COBL: variants seen among roughly 807,000 people sequenced by gnomAD.
The protein encoded by COBL is cordon-bleu WH2 repeat protein.
Under a neutral mutation model 98.8 loss-of-function variants are expected in COBL, and 51 were observed. The ratio of observed to expected loss-of-function variants is 0.52; its 90% CI spans 0.41 to 0.65. COBL has a LOEUF of 0.65. Ranked by LOEUF, COBL falls within the 30% of genes least tolerant of loss-of-function variation. The pLI, the probability that COBL is intolerant of heterozygous loss-of-function variation, is 0.00. For missense variants in COBL, 1,617 were observed against 1,617.5 expected, an observed-to-expected ratio of 1.00 and a Z score of 0.01; for synonymous variants, 634 against 651.7, an observed-to-expected ratio of 0.97 and a Z score of 0.41.
chr7:51,218,988 G>A (rs866148699), intron 2 of COBL, among the ~76,000 whole-genome samples: 1 of 152,112 alleles, frequency 6.6e-6, no homozygotes, highest in Non-Finnish European at 1.5e-5. Flanking sequence ...AAAAGTATCA[G>A]TAAGAATAGC....
At chr7:51,030,103 CTA>C in intron 9 of COBL, among the ~76,000 whole-genome samples, 3 of 152,316 alleles carry the variant, frequency 2.0e-5, no homozygotes, top group Admixed American at 2.0e-4. Flanking sequence ...GCGGGACACA[CTA>C]TGGCTGATTC....
At chr7:51,208,661 C>T (rs564767568) in intron 2 of COBL, among the ~76,000 whole-genome samples, 3 of 152,292 alleles carry the variant, frequency 2.0e-5, no homozygotes, top group South Asian at 4.1e-4. Flanking sequence ...CGGATGGTTG[C>T]CGTGTCTGTG....
rs143774084 is a variant in COBL at position 51,244,746 on chromosome 7, C to T, written c.42-24802G>A. Among the ~76,000 whole-genome samples the T allele has an allele frequency of 6.3e-3, 966 of 152,288 alleles. 25 individuals carry two copies. The East Asian group carries it at 0.064, about 10-fold the overall frequency. The stretch of plus-strand genomic sequence containing the variant: ...GGGCCCTCAGGTAGATGTTCCTGCT[C>T]ATTGCTCTCAGCCCCATTATATCAT... On this transcript the variant is annotated intron_variant, in intron 1 of 12. Coordinates refer to ENST00000265136, the MANE Select transcript of COBL (RefSeq NM_015198.5).
chr7:51,252,048 C>T (rs1236238843), intron 1 of COBL, among the ~76,000 whole-genome samples: 2 of 152,094 alleles, frequency 1.3e-5, no homozygotes, highest in Admixed American at 1.3e-4. Flanking sequence ...CAAACTTCCT[C>T]GATGTCCTTA....
intron 5 of COBL, among the ~76,000 whole-genome samples, chr7:51,153,167 A>C (rs1189055634): frequency 2.0e-5 from 3 of 152,236 alleles, no homozygotes; most frequent in Admixed American, 2.0e-4. Flanking sequence ...TCCGGTGAGA[A>C]GCTCATAGCA....
chr7:51,189,501 G>A (rs1159786276), intron 4 of COBL, among the ~76,000 whole-genome samples: 1 of 152,164 alleles, frequency 6.6e-6, no homozygotes, highest in Non-Finnish European at 1.5e-5. Flanking sequence ...GGGCATGGTG[G>A]GAGGTGCCTG....
At chr7:51,283,976 T>C (rs2129179504) in intron 1 of COBL, among the ~76,000 whole-genome samples, 1 of 151,570 alleles carries the variant, frequency 6.6e-6, no homozygotes, top group East Asian at 1.9e-4. Context: ...CTCAAAAAAA[T>C]AGAATCTAGC....
chr7:51,087,354 C>T (rs566666591), intron 6 of COBL, among the ~76,000 whole-genome samples: 67 of 152,104 alleles, frequency 4.4e-4, no homozygotes, highest in African/African-American at 1.6e-3. Flanking sequence ...TCTAAATTAC[C>T]TTTTTGTTTT....
At chr7:51,252,074 CT>C (rs1228684815) in intron 1 of COBL, among the ~76,000 whole-genome samples, 2 of 151,340 alleles carry the variant, frequency 1.3e-5, no homozygotes, top group Non-Finnish European at 3.0e-5. Context: ...TCTTTTACAG[CT>C]TTTTTTTTCA....
At chr7:51,139,258 A>C in intron 5 of COBL, among the ~76,000 whole-genome samples, 1 of 152,228 alleles carries the variant, frequency 6.6e-6, no homozygotes, top group East Asian at 1.9e-4. Context: ...GCACATTAGA[A>C]GTGTCTAATA....
chr7:51,191,112 A>T (rs372242896), intron 3 of COBL, 34 bp from the exon 4 acceptor site: 3 of 1,582,528 alleles, frequency 1.9e-6, no homozygotes, highest in Non-Finnish European at 2.6e-6. Context: ...GAATTCAGTA[A>T]GATATCCTCC....
At position 51,191,178 on chromosome 7, in the gene COBL, T is replaced by C. The variant is rs569637219; in HGVS notation, c.457-100A>G. ...CAATTGGGTGTGGCAGGATTGTGTG[T>C]AGCCTGAATCCTTCTTCCACAAATT... On this transcript the variant is annotated intron_variant, in intron 3 of 12. Transcript: ENST00000265136. 12 of 994,054 alleles carry C rather than the reference T, an allele frequency of 1.2e-5. No individual in the cohort carries two copies. The South Asian group carries it at 1.2e-4, about 10-fold the overall frequency. The allele number at this position is 994,054 out of a possible 1,614,324, so 61.6% of individuals were successfully genotyped here. A position where few individuals can be genotyped will look rare whatever the true frequency, so the allele number is the denominator to read the frequency against.
At chr7:51,234,444 T>TA (rs1012736416) in intron 1 of COBL, among the ~76,000 whole-genome samples, 6 of 152,218 alleles carry the variant, frequency 3.9e-5, no homozygotes, top group African/African-American at 1.4e-4. Flanking sequence ...CTCACGCCTG[T>TA]AATCCCAGCA....
At chr7:51,167,593 G>A (rs1787449219) in intron 5 of COBL, among the ~76,000 whole-genome samples, 1 of 151,912 alleles carries the variant, frequency 6.6e-6, no homozygotes. Context: ...AATTTATATG[G>A]AACTATAAAA....
intron 5 of COBL, among the ~76,000 whole-genome samples, chr7:51,139,673 C>T (rs1464511501): frequency 2.6e-5 from 4 of 152,098 alleles, no homozygotes; most frequent in Admixed American, 6.5e-5. Context: ...TGTTGTCCAG[C>T]GAATACTTGT....
Position 51,081,698 on chromosome 7 carries a change from G to C in COBL, c.1096+3468C>G, listed in dbSNP as rs555450358. ...GAGCCACTGGTGCTGGGCCCGTTCT[G>C]TGACTGCCAACAGGCTGTACTTGGC... On this transcript the variant is annotated intron_variant, in intron 7 of 12. Transcript: ENST00000265136. Among the ~76,000 whole-genome samples the C allele has an allele frequency of 3.3e-5, 5 of 152,300 alleles. No homozygotes were observed. The East Asian group carries it at 7.7e-4, about 24-fold the overall frequency.
At chr7:51,199,433 C>T (rs187109157) in intron 2 of COBL, among the ~76,000 whole-genome samples, 1 of 152,258 alleles carries the variant, frequency 6.6e-6, no homozygotes, top group African/African-American at 2.4e-5. Context: ...GTAAACATAA[C>T]ACCACCAAAG....
chr7:51,209,681 G>T (rs1342245696), intron 2 of COBL, among the ~76,000 whole-genome samples: 1 of 152,096 alleles, frequency 6.6e-6, no homozygotes, highest in Admixed American at 6.5e-5. Flanking sequence ...GCCACACCAT[G>T]CACTGCCCAT....
intron 5 of COBL, among the ~76,000 whole-genome samples, chr7:51,170,534 T>A (rs9986729): frequency 0.084 from 11,334 of 134,432 alleles, 576 homozygotes; most frequent in African/African-American, 0.17. Context: ...TATATATAAA[T>A]ATATATCACA....
Sources: gnomAD v4.1 joint callset for allele counts (sites outside exome capture counted in the v4.1 genomes callset) on GRCh38, gnomAD v4.1.1 for gene constraint, MANE v1.5 for transcripts, NCBI Gene and HGNC (gene_info 2026-07-23, HGNC 2026-07-21) for gene names.